RIPK1: variants seen among roughly 807,000 people sequenced by gnomAD.
RIPK1 encodes receptor-interacting serine/threonine-protein kinase 1.
RIPK1 carries 27 observed loss-of-function variants against 62.4 expected under a neutral mutation model. The observed-to-expected ratio is 0.43, with a 90% confidence interval of 0.32 to 0.60. RIPK1 has a LOEUF of 0.60. Ranked by LOEUF, RIPK1 falls within the 20% of genes least tolerant of loss-of-function variation. The probability of loss-of-function intolerance (pLI) is 0.07; values close to 1 mark genes in which losing one functional copy is unlikely to be tolerated. For synonymous variants in RIPK1, 287 were observed against 303.2 expected (o/e 0.95, Z 0.55); for missense variants, 735 against 831.0 (o/e 0.88, Z 1.42).
intron 9 of RIPK1, among the ~76,000 whole-genome samples, chr6:3,108,602 C>T (rs1414932924): frequency 6.6e-6 from 1 of 152,156 alleles, no homozygotes; most frequent in Non-Finnish European, 1.5e-5. Flanking sequence ...TACCACTGTG[C>T]CTGGCGATGC....
At chr6:3,090,822 G>GAGCACCTACCTGC (rs1760028187) in intron 7 of RIPK1, among the ~76,000 whole-genome samples, 1 of 130,678 alleles carries the variant, frequency 7.7e-6, no homozygotes, top group African/African-American at 3.9e-5. Context: ...AGTAACCGCA[G>GAGCACCTACCTGC]CGCACCTACC....
chr6:3,070,487 G>A (rs1445837858), intron 1 of RIPK1, among the ~76,000 whole-genome samples: 2 of 152,180 alleles, frequency 1.3e-5, no homozygotes, highest in African/African-American at 4.8e-5. Context: ...ACCCAGGCTG[G>A]AGTGCAGTGG....
At chr6:3,086,204 A>G (rs1286207480) in intron 6 of RIPK1, among the ~76,000 whole-genome samples, 1 of 152,222 alleles carries the variant, frequency 6.6e-6, no homozygotes, top group East Asian at 1.9e-4. Flanking sequence ...CACTCCTTGA[A>G]AGACTTGTTT....
chr6:3,068,326 T>G (rs974870650), upstream of RIPK1: 1 of 985,282 alleles, frequency 1.0e-6, no homozygotes, highest in Non-Finnish European at 1.2e-6. Context: ...GTTTCCTCTT[T>G]TACGTAGGCC....
intron 7 of RIPK1, among the ~76,000 whole-genome samples, chr6:3,094,755 G>A (rs1222035870): frequency 1.3e-5 from 2 of 152,066 alleles, no homozygotes; most frequent in South Asian, 4.2e-4. Flanking sequence ...TTGGTTATTC[G>A]AAAGGCTAAT....
At chr6:3,069,875 G>T (rs1161976521) in intron 1 of RIPK1, among the ~76,000 whole-genome samples, 2 of 152,210 alleles carry the variant, frequency 1.3e-5, no homozygotes, top group Non-Finnish European at 2.9e-5. Flanking sequence ...GCCAGGTGTG[G>T]TGGCGGGTCC....
intron 7 of RIPK1, among the ~76,000 whole-genome samples, chr6:3,094,601 GAAGA>G (rs1424935124): frequency 7.0e-6 from 1 of 142,952 alleles, no homozygotes; most frequent in Non-Finnish European, 1.5e-5. Context: ...ATATATATAT[GAAGA>G]AAGGCTGAAA....
In RIPK1 at chr6:3,104,239, C is replaced by A; in HGVS notation, c.930C>A (p.Asn310Lys). ...CTTAATTATAGAAAGAGTATTCAAA[C>A]GAAAATGCAGTTGTGAAGAGAATGC... is the stretch of plus-strand genomic sequence containing the variant. ...DVKSLKKEYS[N>K]ENAVVKRMQS... Residue 310 changes from asparagine (N) to lysine (K), a missense_variant, in exon 8 of 11, where the codon AAC becomes AAA. Asn to Lys is a moderately conservative substitution (Grantham distance 94, BLOSUM62 0). This residue lies in a region of RIPK1 where 671 missense variants were observed against 726.2 expected (regional missense o/e 0.92). Transcript: ENST00000259808. 1 of 1,576,090 alleles carries A rather than the reference C, an allele frequency of 6.3e-7. No homozygotes were observed. The highest frequency in any genetic ancestry group is 8.7e-7 in the Non-Finnish European group (1 of 1,147,206).
intron 1 of RIPK1, among the ~76,000 whole-genome samples, chr6:3,070,720 T>TGCTGGGATTACAGGCATGAGATACAG (rs58441921): frequency 0.035 from 5,392 of 152,286 alleles, 332 homozygotes; most frequent in African/African-American, 0.12. Context: ...CATGAGCCCC[T>TGCTGGGATTACAGGCATGAGATACAG]GCACCTCACC....
At chr6:3,078,040 C>A in intron 3 of RIPK1, 105 bp downstream of exon 3, 2 of 1,166,406 alleles carry the variant, frequency 1.7e-6, no homozygotes, top group East Asian at 2.5e-5. Flanking sequence ...ATCAAATTTG[C>A]AAATTGCTTG....
intron 6 of RIPK1, among the ~76,000 whole-genome samples, chr6:3,089,231 T>C (rs1430794557): frequency 6.6e-6 from 1 of 152,180 alleles, no homozygotes; most frequent in African/African-American, 2.4e-5. Context: ...CTCTCATAAA[T>C]TTGATGCCAG....
rs558045578 is a variant in RIPK1 at position 3,077,067 on chromosome 6, C to T, written c.164+80C>T. The T allele has an allele frequency of 7.2e-5, 98 of 1,364,616 alleles. 1 individual carries two copies. Among genetic ancestry groups the T allele is most frequent in the Non-Finnish European group, 9.3e-5 (93 of 1,005,204 alleles). 84.5% of individuals were successfully genotyped at this position (1,364,616 alleles called of 1,614,324 possible). The stretch of plus-strand genomic sequence containing the variant: ...GCTGTTGTGGAGCCGTTGGCTGCTG[C>T]GGAGCCGTTGGTGGGTAGAGTGAGA... On this transcript the variant is annotated intron_variant, in intron 2 of 10. Coordinates refer to ENST00000259808, the MANE Select transcript of RIPK1 (RefSeq NM_001354930.2).
chr6:3,067,534 T>A (rs1758436341), upstream of RIPK1, among the ~76,000 whole-genome samples: 1 of 152,204 alleles, frequency 6.6e-6, no homozygotes, highest in African/African-American at 2.4e-5. Context: ...GTGAGGTGTA[T>A]GTTCAGAGCT....
At chr6:3,100,126 G>GAT (rs1432062605) in intron 7 of RIPK1, among the ~76,000 whole-genome samples, 1 of 152,150 alleles carries the variant, frequency 6.6e-6, no homozygotes, top group African/African-American at 2.4e-5. Flanking sequence ...TAATGTTAAA[G>GAT]ATATATATAT....
intron 10 of RIPK1, among the ~76,000 whole-genome samples, chr6:3,112,656 C>T (rs1373992126): frequency 6.6e-6 from 1 of 152,168 alleles, no homozygotes; most frequent in Non-Finnish European, 1.5e-5. Context: ...TCAGCCTCCT[C>T]AGTAACTGGG....
chr6:3,085,955 G>A (rs1002636255), intron 6 of RIPK1, among the ~76,000 whole-genome samples: 1 of 152,212 alleles, frequency 6.6e-6, no homozygotes, highest in Non-Finnish European at 1.5e-5. Flanking sequence ...ATATTCCATT[G>A]TATGAATGGA....
intron 7 of RIPK1, among the ~76,000 whole-genome samples, chr6:3,096,011 A>AT (rs1760273205): frequency 6.6e-6 from 1 of 151,974 alleles, no homozygotes; most frequent in Non-Finnish European, 1.5e-5. Flanking sequence ...GCTAATTTGT[A>AT]TTTTTTGTAG....
chr6:3,070,895 T>C (rs1442355835), intron 1 of RIPK1, among the ~76,000 whole-genome samples: 1 of 152,224 alleles, frequency 6.6e-6, no homozygotes, highest in Non-Finnish European at 1.5e-5. Context: ...AGTGAGCCAA[T>C]AGTGAAAGTT....
At chr6:3,071,846 T>C (rs1021855443) in intron 1 of RIPK1, among the ~76,000 whole-genome samples, 2 of 152,194 alleles carry the variant, frequency 1.3e-5, no homozygotes, top group Non-Finnish European at 2.9e-5. Flanking sequence ...TAGTTGGTCT[T>C]GACAAATTTG....
Sources: gnomAD v4.1 joint callset for allele counts (sites outside exome capture counted in the v4.1 genomes callset) on GRCh38, gnomAD v4.1.1 for gene constraint, gnomAD v4.1.1 regional missense constraint, MANE v1.5 for transcripts, NCBI Gene and HGNC (gene_info 2026-07-23, HGNC 2026-07-21) for gene names.